DIP2B: variants seen among roughly 807,000 people sequenced by gnomAD.
DIP2B encodes disco-interacting protein 2 homolog B.
DIP2B carries 76 observed loss-of-function variants against 198.0 expected under a neutral mutation model. The observed-to-expected ratio is 0.38, with a 90% CI of 0.32 to 0.46. The LOEUF is 0.46. Ranked by LOEUF, DIP2B falls within the 20% of genes least tolerant of loss-of-function variation. The pLI, the probability that DIP2B is intolerant of heterozygous loss-of-function variation, is 0.99. For synonymous variants in DIP2B, 701 were observed against 739.1 expected, an observed-to-expected ratio of 0.95 and a Z score of 0.84; for missense variants, 1,559 against 1,978.4, an observed-to-expected ratio of 0.79 and a Z score of 4.02.
chr12:50,560,669 T>C (rs1958512066), intron 1 of DIP2B, among the ~76,000 whole-genome samples: 1 of 152,178 alleles, frequency 6.6e-6, no homozygotes, highest in African/African-American at 2.4e-5. Context: ...GAGAATTGCT[T>C]GAAGCCGGGA....
intron 1 of DIP2B, among the ~76,000 whole-genome samples, chr12:50,586,259 A>C (rs1018371408): frequency 6.6e-6 from 1 of 152,208 alleles, no homozygotes; most frequent in Admixed American, 6.5e-5. Flanking sequence ...TGCATTTAAA[A>C]AGTGATTTCA....
At chr12:50,666,926 G>A (rs1158454514) in intron 4 of DIP2B, among the ~76,000 whole-genome samples, 2 of 152,196 alleles carry the variant, frequency 1.3e-5, no homozygotes, top group African/African-American at 4.8e-5. Context: ...GGACGCTGAG[G>A]CAGGAGACCC....
intron 1 of DIP2B, among the ~76,000 whole-genome samples, chr12:50,561,518 A>G (rs1380780065): frequency 1.3e-5 from 2 of 152,186 alleles, no homozygotes; most frequent in Non-Finnish European, 1.5e-5. Flanking sequence ...GCACATCCAT[A>G]AACACATTGC....
rs201893229 is a variant in DIP2B, at chr12:50,704,189, T to A, written c.2375T>A (p.Ile792Asn). The A allele has an allele frequency of 6.2e-7, 1 of 1,611,762 alleles. No homozygotes were observed. ...TCTCCTGTTGGGGATGTGCCATTCA[T>A]CCGATCAGGATTGCTGGGGTTTGTA... is the stretch of plus-strand genomic sequence containing the variant. ...AGSPVGDVPF[I>N]RSGLLGFVGP... Residue 792 changes from isoleucine to asparagine, a missense_variant, in exon 20 of 38, where the codon ATC becomes AAC. Coordinates refer to ENST00000301180, the MANE Select transcript of DIP2B (RefSeq NM_173602.3).
chr12:50,577,176 T>G (rs144360970), intron 1 of DIP2B, among the ~76,000 whole-genome samples: 16 of 152,274 alleles, frequency 1.1e-4, no homozygotes, highest in African/African-American at 3.8e-4. Context: ...CTTAAATTAT[T>G]GAGGCTCAAA....
At position 50,508,740 on chromosome 12, in the gene DIP2B, T is replaced by C. The variant is rs1283204994; in HGVS notation, c.100+3500T>C. On this transcript the variant is annotated intron_variant, in intron 1 of 37. Transcript: ENST00000301180. ...TTTTTTTTTTGCGATGGAGTTTCTC[T>C]TGTTGCCCAGGCTGGAGTGAAATGG... 2.0e-5 allele frequency among the ~76,000 whole-genome samples: 3 copies of C among 151,564 alleles called. No individual in the cohort carries two copies. In the East Asian group the frequency reaches 5.8e-4, roughly 29 times the overall value.
intron 1 of DIP2B, 120 bp downstream of exon 1, chr12:50,505,360 C>T: frequency 4.0e-6 from 3 of 750,098 alleles, no homozygotes; most frequent in Non-Finnish European, 4.0e-6. Flanking sequence ...TGTAGAGAAC[C>T]TGGCCTGGCG....
chr12:50,715,291 T>A (rs1939693553), intron 23 of DIP2B, among the ~76,000 whole-genome samples: 2 of 152,202 alleles, frequency 1.3e-5, no homozygotes, highest in Non-Finnish European at 2.9e-5. Flanking sequence ...GCATTTACTT[T>A]TTACTCATGG....
intron 36 of DIP2B, 119 bp from the exon 37 acceptor site, chr12:50,741,297 C>A: frequency 7.8e-7 from 1 of 1,279,040 alleles, no homozygotes; most frequent in Non-Finnish European, 1.1e-6. Context: ...CCCAGAGTTA[C>A]ACAGTTGGTA....
chr12:50,644,239 C>G (rs1180183450), intron 3 of DIP2B, among the ~76,000 whole-genome samples: 1 of 152,086 alleles, frequency 6.6e-6, no homozygotes, highest in African/African-American at 2.4e-5. Flanking sequence ...TCCTGCACAT[C>G]CAGGCATGAT....
intron 3 of DIP2B, among the ~76,000 whole-genome samples, chr12:50,641,367 G>A (rs1938254427): frequency 6.6e-6 from 1 of 152,078 alleles, no homozygotes; most frequent in Admixed American, 6.6e-5. Flanking sequence ...AAAAAATAAA[G>A]ACTGTTTCTG....
At chr12:50,730,133 T>C (rs1037969070) in intron 30 of DIP2B, among the ~76,000 whole-genome samples, 13 of 152,174 alleles carry the variant, frequency 8.5e-5, no homozygotes, top group Non-Finnish European at 1.3e-4. Flanking sequence ...CAGTGGCTCG[T>C]ATCACCAATC....
At chr12:50,735,211 A>G (rs1464268280) in intron 34 of DIP2B, 81 bp downstream of exon 34, 18 of 1,504,650 alleles carry the variant, frequency 1.2e-5, no homozygotes, top group South Asian at 2.3e-5. Context: ...GCCATATAAT[A>G]TATTAGTGTC....
intron 1 of DIP2B, among the ~76,000 whole-genome samples, chr12:50,582,352 A>G (rs1009464184): frequency 2.0e-5 from 3 of 151,596 alleles, no homozygotes; most frequent in African/African-American, 4.8e-5. Context: ...GTTTCACCAC[A>G]TTGTCCAGAC....
At chr12:50,622,239 CCT>C (rs1234458698) in intron 1 of DIP2B, among the ~76,000 whole-genome samples, 1 of 152,030 alleles carries the variant, frequency 6.6e-6, no homozygotes, top group Non-Finnish European at 1.5e-5. Context: ...CTTCTGTACC[CCT>C]GTTAGCTGTA....
chr12:50,723,349 G>T, intron 27 of DIP2B, 26 bp downstream of exon 27: 1 of 1,611,768 alleles, frequency 6.2e-7, no homozygotes, highest in Non-Finnish European at 8.5e-7. Flanking sequence ...ATCTTGCCTT[G>T]TCCTCATCTC....
chr12:50,564,704 T>C (rs1958548484), intron 1 of DIP2B, among the ~76,000 whole-genome samples: 1 of 152,122 alleles, frequency 6.6e-6, no homozygotes, highest in African/African-American at 2.4e-5. Context: ...TTTTGTAGAG[T>C]TTAGAATATT....
intron 1 of DIP2B, among the ~76,000 whole-genome samples, chr12:50,612,330 T>A (rs1959038847): frequency 6.6e-6 from 1 of 152,206 alleles, no homozygotes. Context: ...CTTCTGTGAT[T>A]TCTTTCAGCA....
intron 2 of DIP2B, among the ~76,000 whole-genome samples, chr12:50,627,667 C>G (rs1321736551): frequency 1.3e-5 from 2 of 152,220 alleles, no homozygotes; most frequent in African/African-American, 2.4e-5. Context: ...ATTCTTGCCC[C>G]ATGGGCAAGC....
Sources: gnomAD v4.1 joint callset for allele counts (sites outside exome capture counted in the v4.1 genomes callset) on GRCh38, gnomAD v4.1.1 for gene constraint, MANE v1.5 for transcripts, NCBI Gene and HGNC (gene_info 2026-07-23, HGNC 2026-07-21) for gene names.